The following KIAA1217 variants were observed in gnomAD, a reference collection of about 807,000 sequenced individuals.
The protein encoded by KIAA1217 is sickle tail protein homolog.
A neutral mutation model predicts 163.9 loss-of-function variants in KIAA1217; 88 were observed. That is an observed-to-expected ratio of 0.54 (90% CI 0.45 to 0.64). The LOEUF is 0.64. KIAA1217 is among the 30% of genes least tolerant of loss of function. The pLI is 0.00. For synonymous variants in KIAA1217, 903 were observed against 923.1 expected (o/e 0.98, Z 0.39); for missense variants, 2,372 against 2,475.0 (o/e 0.96, Z 0.88).
intron 2 of KIAA1217, among the ~76,000 whole-genome samples, chr10:24,149,986 C>G (rs1010357346): frequency 6.6e-6 from 1 of 152,026 alleles, no homozygotes; most frequent in Admixed American, 6.6e-5. Flanking sequence ...AAGCTTAAAA[C>G]AGAACTAAGA....
intron 5 of KIAA1217, among the ~76,000 whole-genome samples, chr10:24,468,380 G>A (rs543191662): frequency 1.3e-5 from 2 of 152,242 alleles, no homozygotes; most frequent in South Asian, 2.1e-4. Context: ...TAGAGCCAAG[G>A]ATGAAATACA....
rs1451954982 is a variant in KIAA1217, at chr10:24,067,423, G to T, written c.-171+60049G>T. ...TGGAGGTCCACTCCAGACCCTGTTT[G>T]CCTGGGTATCAGCAGCGGTGGCTGC... On this transcript the variant is annotated intron_variant, in intron 2 of 18. Transcript: ENST00000376462. 2.0e-5 allele frequency among the ~76,000 whole-genome samples: 3 copies of T among 152,324 alleles called. No individual in the cohort carries two copies. In the East Asian group the frequency reaches 5.8e-4, roughly 29 times the overall value.
intron 2 of KIAA1217, among the ~76,000 whole-genome samples, chr10:24,177,277 A>ATATATATATATG: frequency 9.7e-6 from 1 of 103,260 alleles, no homozygotes; most frequent in Middle Eastern, 4.5e-3. Flanking sequence ...ATATATATAT[A>ATATATATATATG]TATATATATA....
chr10:24,244,561 CTT>C lies in KIAA1217; in HGVS notation c.354+24673_354+24674del, dbSNP rs11318420. On this transcript the variant is annotated intron_variant, in intron 2 of 20. Transcript: ENST00000376454. ...TTGGGCTTCCCTCTTTTCTTTCTTTCTTTTTTTTTTTTTTTTTTTTTTGAGAC... is the reference window on the plus strand; with the variant it reads ...TTGGGCTTCCCTCTTTTCTTTCTTTCTTTTTTTTTTTTTTTTTTTTGAGAC... 8.6e-3 allele frequency among the ~76,000 whole-genome samples: 737 copies of C among 85,278 alleles called. 13 individuals are homozygous for C. The East Asian group carries it at 0.093, about 11-fold the overall frequency. The allele number at this position is 85,278 out of a possible 152,430, so 55.9% of individuals were successfully genotyped here. A position where few individuals can be genotyped will look rare whatever the true frequency, so the allele number is the denominator to read the frequency against.
chr10:24,301,764 G>C (rs561592573), intron 2 of KIAA1217, among the ~76,000 whole-genome samples: 9 of 152,282 alleles, frequency 5.9e-5, no homozygotes, highest in Middle Eastern at 6.8e-3. Flanking sequence ...GAACGGGTTG[G>C]CCAGGCGCAG....
intron 8 of KIAA1217, among the ~76,000 whole-genome samples, chr10:24,499,660 A>G (rs2067261446): frequency 6.6e-6 from 1 of 152,184 alleles, no homozygotes; most frequent in African/African-American, 2.4e-5. Context: ...TGCACCCAGG[A>G]GGCAGAGGCT....
intron 2 of KIAA1217, among the ~76,000 whole-genome samples, chr10:24,337,773 A>G (rs989769217): frequency 6.6e-6 from 1 of 151,292 alleles, no homozygotes; most frequent in Non-Finnish European, 1.5e-5. Flanking sequence ...CCTCCTGAGT[A>G]GCTGGGATTA....
At chr10:23,764,234 A>C (rs1489822862) in intron 1 of KIAA1217, among the ~76,000 whole-genome samples, 2 of 152,232 alleles carry the variant, frequency 1.3e-5, no homozygotes, top group Non-Finnish European at 2.9e-5. Context: ...CAAAGAAATG[A>C]AAATAAAAAC....
chr10:24,395,675 A>G (rs2055632266), intron 3 of KIAA1217, among the ~76,000 whole-genome samples: 2 of 152,144 alleles, frequency 1.3e-5, no homozygotes, highest in South Asian at 4.1e-4. Context: ...CACATAATGT[A>G]GGAGCCTTTT....
chr10:23,953,360 G>C lies in KIAA1217; in HGVS notation c.-320-53865G>C, dbSNP rs565982152. Among the ~76,000 whole-genome samples, 194 of 152,318 alleles carry C rather than the reference G, an allele frequency of 1.3e-3. 1 individual carries two copies. Among genetic ancestry groups the C allele is most frequent in the Middle Eastern group, 3.4e-3 (1 of 294 alleles). ...GTCTCAGGAATCCAGGGTCCTTTCA[G>C]CTTAAGACATTATCTCAATATATGG... On this transcript the variant is annotated intron_variant, in intron 1 of 18. Coordinates refer to the KIAA1217 transcript ENST00000376462.
chr10:24,380,574 G>A (rs2053160054), intron 2 of KIAA1217, among the ~76,000 whole-genome samples: 1 of 151,752 alleles, frequency 6.6e-6, no homozygotes, highest in African/African-American at 2.4e-5. Context: ...AACCGGAGGT[G>A]GAGGTTGTAG....
Position 24,000,696 on chromosome 10 carries a change from G to T in KIAA1217, c.-320-6529G>T, listed in dbSNP as rs1846699845. On this transcript the variant is annotated intron_variant, in intron 1 of 18. Transcript: ENST00000376462. ...TGGAAATCCAACTGGCTTTTCAACTGTACCAAACACGCTGGAAAGATTGAT... is the reference window on the plus strand; with the variant it reads ...TGGAAATCCAACTGGCTTTTCAACTTTACCAAACACGCTGGAAAGATTGAT... Among the ~76,000 whole-genome samples the T allele has an allele frequency of 3.3e-5, 5 of 152,348 alleles. No individual in the cohort carries two copies. In the South Asian group the frequency reaches 1.0e-3, roughly 32 times the overall value.
chr10:23,816,582 A>G, intron 1 of KIAA1217, among the ~76,000 whole-genome samples: 1 of 152,174 alleles, frequency 6.6e-6, no homozygotes. Context: ...CAGGTGGATC[A>G]CTTGAGGTCA....
chr10:24,542,624 T>G, intron 17 of KIAA1217, 69 bp from the exon 18 acceptor site: 1 of 1,588,330 alleles, frequency 6.3e-7, no homozygotes, highest in Non-Finnish European at 8.6e-7. Flanking sequence ...AAGGAACGAT[T>G]TAGTTATAGT....
At chr10:23,720,319 T>C (rs1441965569) in intron 1 of KIAA1217, among the ~76,000 whole-genome samples, 1 of 152,206 alleles carries the variant, frequency 6.6e-6, no homozygotes, top group African/African-American at 2.4e-5. Context: ...ATTGTAAAAC[T>C]ATGTGTGTCA....
At chr10:24,350,594 G>A (rs2048335177) in intron 2 of KIAA1217, among the ~76,000 whole-genome samples, 1 of 152,206 alleles carries the variant, frequency 6.6e-6, no homozygotes, top group Non-Finnish European at 1.5e-5. Context: ...TCCCTGTGGA[G>A]AAGAATCAAG....
chr10:24,128,145 G>A (rs1054651817), intron 2 of KIAA1217, among the ~76,000 whole-genome samples: 1 of 152,160 alleles, frequency 6.6e-6, no homozygotes. Flanking sequence ...TGAGAGCGGA[G>A]ACGCTGAATC....
chr10:24,246,512 C>T (rs1347086612), intron 2 of KIAA1217, among the ~76,000 whole-genome samples: 2 of 152,162 alleles, frequency 1.3e-5, no homozygotes. Context: ...TATTATGGTA[C>T]GTTCAGAGAA....
At chr10:23,907,442 T>C (rs1216768936) in intron 1 of KIAA1217, among the ~76,000 whole-genome samples, 1 of 151,996 alleles carries the variant, frequency 6.6e-6, no homozygotes, top group Non-Finnish European at 1.5e-5. Context: ...TCCTATGATC[T>C]GCCATCTGCA....
Sources: allele counts gnomAD v4.1 joint callset (sites outside exome capture counted in the v4.1 genomes callset), GRCh38; gene constraint gnomAD v4.1.1; transcripts MANE v1.5; gene names NCBI Gene and HGNC (gene_info 2026-07-23, HGNC 2026-07-21).